MAPKAP1: variants seen among roughly 807,000 people sequenced by gnomAD.
MAPKAP1 encodes target of rapamycin complex 2 subunit MAPKAP1.
MAPKAP1 carries 20 observed loss-of-function variants against 65.7 expected under a neutral mutation model. That is an observed-to-expected ratio of 0.30 (90% CI 0.21 to 0.44). The LOEUF is 0.44. MAPKAP1 is among the 20% of genes least tolerant of loss of function. The pLI, the probability that MAPKAP1 is intolerant of heterozygous loss-of-function variation, is 1.00. For missense variants in MAPKAP1, 423 were observed against 648.0 expected (o/e 0.65, Z 3.77); for synonymous variants, 222 against 244.3 (o/e 0.91, Z 0.85).
chr9:125,525,085 A>G (rs903892079), intron 7 of MAPKAP1, among the ~76,000 whole-genome samples: 1 of 152,224 alleles, frequency 6.6e-6, no homozygotes, highest in Non-Finnish European at 1.5e-5. Context: ...CTTAGCAGCT[A>G]GAGTCTCTTT....
intron 8 of MAPKAP1, among the ~76,000 whole-genome samples, chr9:125,494,483 T>C (rs749712597): frequency 5.3e-5 from 8 of 152,174 alleles, no homozygotes; most frequent in Non-Finnish European, 1.0e-4. Context: ...ACTTTCCACA[T>C]GGAGATTTCA....
chr9:125,683,884 C>T (rs1834896293), intron 1 of MAPKAP1, among the ~76,000 whole-genome samples: 1 of 152,170 alleles, frequency 6.6e-6, no homozygotes, highest in African/African-American at 2.4e-5. Context: ...CTACCTCTTC[C>T]CTCCCCATCT....
chr9:125,610,940 G>T (rs1009119321), intron 4 of MAPKAP1, among the ~76,000 whole-genome samples: 2 of 152,084 alleles, frequency 1.3e-5, no homozygotes, highest in African/African-American at 4.8e-5. Context: ...CATGAAATAG[G>T]CCCAGAAAGA....
chr9:125,559,449 AG>A (rs1314432786), intron 6 of MAPKAP1, 183 bp downstream of exon 6: 1 of 536,720 alleles, frequency 1.9e-6, no homozygotes, highest in Non-Finnish European at 3.3e-6. Context: ...TGCGTAGCCT[AG>A]GTGCAGAGGC....
intron 7 of MAPKAP1, among the ~76,000 whole-genome samples, chr9:125,532,006 A>G (rs982975615): frequency 1.3e-5 from 2 of 152,212 alleles, no homozygotes; most frequent in Non-Finnish European, 2.9e-5. Context: ...TCCCGTCAAT[A>G]TATAGATTCC....
At chr9:125,624,603 A>C (rs1410715376) in intron 4 of MAPKAP1, among the ~76,000 whole-genome samples, 2 of 28,310 alleles carry the variant, frequency 7.1e-5, no homozygotes, top group African/African-American at 3.3e-4. Context: ...CCCGTCCGGG[A>C]GGGAGGTGGG....
rs1011555063 is a variant in MAPKAP1 at position 125,595,607 on chromosome 9, T to C, written c.499-9880A>G. 4.6e-5 allele frequency: 63 copies of C among 1,367,396 alleles called. No homozygotes were observed. The highest frequency in any genetic ancestry group is 5.6e-5 in the Non-Finnish European group (59 of 1,058,462). 84.7% of individuals were successfully genotyped at this position (1,367,396 alleles called of 1,614,324 possible). On this transcript the variant is annotated intron_variant, in intron 4 of 11. Coordinates refer to ENST00000265960, the MANE Select transcript of MAPKAP1 (RefSeq NM_001006617.3). The surrounding 1 kb of genome is among the most constrained non-coding windows in gnomAD (Gnocchi z 4.0). Reference sequence around the variant, plus strand: ...AAATATCATGCTATGTTTGTCAGCTTACTCCTTTCTGCCTGTGGACACGCC... The same window carrying C: ...AAATATCATGCTATGTTTGTCAGCTCACTCCTTTCTGCCTGTGGACACGCC...
At chr9:125,573,675 C>A (rs909054415) in intron 5 of MAPKAP1, among the ~76,000 whole-genome samples, 1 of 152,184 alleles carries the variant, frequency 6.6e-6, no homozygotes, top group African/African-American at 2.4e-5. Context: ...CCACTCTGTT[C>A]TCCCTGTTCT....
Position 125,595,881 on chromosome 9 carries a change from T to C in MAPKAP1, c.499-10154A>G. On this transcript the variant is annotated intron_variant, in intron 4 of 11. Transcript: ENST00000265960. This position sits in a 1 kb window ranked among gnomAD's most constrained non-coding sequence, Gnocchi z 4.0. Reference sequence around the variant, plus strand: ...ACTGTGGAGGAGGTGGATGCAGCCATGAATGCAAGGCCACACAAGGTGGAT... The same window carrying C: ...ACTGTGGAGGAGGTGGATGCAGCCACGAATGCAAGGCCACACAAGGTGGAT... 1.1e-5 allele frequency: 13 copies of C among 1,162,794 alleles called. No individual in the cohort carries two copies. In the South Asian group the frequency reaches 1.3e-4, roughly 12 times the overall value. The allele number at this position is 1,162,794 out of a possible 1,614,324, so 72.0% of individuals were successfully genotyped here. A position where few individuals can be genotyped will look rare whatever the true frequency, so the allele number is the denominator to read the frequency against.
In MAPKAP1 at chr9:125,622,851, T is replaced by C. The variant is rs947475424; in HGVS notation, c.498+34800A>G. On this transcript the variant is annotated intron_variant, in intron 4 of 11. Transcript: ENST00000265960. ...CTCCGTCTCCCCAGTCTCCCTCTCA[T>C]GCGGAGCCGAAGCTGGACTGTACTG... Among the ~76,000 whole-genome samples, 5 of 151,988 alleles carry C rather than the reference T, an allele frequency of 3.3e-5. 1 individual carries two copies. In the South Asian group the frequency reaches 6.3e-4, roughly 19 times the overall value.
intron 8 of MAPKAP1, among the ~76,000 whole-genome samples, chr9:125,494,119 G>C (rs909231897): frequency 2.6e-5 from 4 of 152,206 alleles, no homozygotes; most frequent in African/African-American, 9.6e-5. Flanking sequence ...GTGAGTCACA[G>C]AGAAAACTCT....
At chr9:125,509,506 T>C (rs1829239252) in intron 7 of MAPKAP1, among the ~76,000 whole-genome samples, 1 of 152,234 alleles carries the variant, frequency 6.6e-6, no homozygotes, top group Admixed American at 6.5e-5. Flanking sequence ...GACATCTTTT[T>C]GAGGCTACTA....
intron 6 of MAPKAP1, among the ~76,000 whole-genome samples, chr9:125,544,325 TAC>T (rs1054095420): frequency 2.0e-5 from 3 of 152,052 alleles, no homozygotes; most frequent in Non-Finnish European, 4.4e-5. Context: ...TTTTTTTAAA[TAC>T]AGTCTATACA....
chr9:125,671,155 C>G (rs759455675), intron 2 of MAPKAP1, among the ~76,000 whole-genome samples: 28 of 152,176 alleles, frequency 1.8e-4, no homozygotes, highest in Non-Finnish European at 3.5e-4. Context: ...CAATAACCTG[C>G]AAGGAAGTCA....
intron 9 of MAPKAP1, among the ~76,000 whole-genome samples, chr9:125,474,194 C>G (rs1854024315): frequency 6.6e-6 from 1 of 152,260 alleles, no homozygotes; most frequent in South Asian, 2.1e-4. Flanking sequence ...TCCCTGGGAC[C>G]TTCTCTACAT....
At chr9:125,598,739 C>T (rs183325916) in intron 4 of MAPKAP1, among the ~76,000 whole-genome samples, 2 of 151,988 alleles carry the variant, frequency 1.3e-5, no homozygotes, top group Admixed American at 6.6e-5. Flanking sequence ...ATTGTTGAGA[C>T]GATTCAATAA....
chr9:125,608,140 A>G (rs1832493686), intron 4 of MAPKAP1, among the ~76,000 whole-genome samples: 1 of 152,244 alleles, frequency 6.6e-6, no homozygotes, highest in Admixed American at 6.5e-5. Context: ...GTGTTATTAG[A>G]AAAAGAAAAA....
At chr9:125,641,004 A>G (rs1483738110) in intron 4 of MAPKAP1, among the ~76,000 whole-genome samples, 2 of 152,238 alleles carry the variant, frequency 1.3e-5, no homozygotes, top group Non-Finnish European at 2.9e-5. Flanking sequence ...CCTACCGTAT[A>G]GCAGGGTGTG....
At chr9:125,634,059 T>C (rs1002225653) in intron 4 of MAPKAP1, among the ~76,000 whole-genome samples, 1 of 152,254 alleles carries the variant, frequency 6.6e-6, no homozygotes, top group Non-Finnish European at 1.5e-5. Flanking sequence ...CAGTTTAAAA[T>C]GCTGGGTTTC....
Sources: gnomAD v4.1 joint callset for allele counts (sites outside exome capture counted in the v4.1 genomes callset) on GRCh38, gnomAD v4.1.1 for gene constraint, Gnocchi (gnomAD v3.1) non-coding constraint, MANE v1.5 for transcripts, NCBI Gene and HGNC (gene_info 2026-07-23, HGNC 2026-07-21) for gene names.